The following SGCD variants were observed in gnomAD, a reference collection of about 807,000 sequenced individuals.
The protein encoded by SGCD is sarcoglycan delta, also known as delta-sarcoglycan.
A neutral mutation model predicts 36.6 loss-of-function variants in SGCD; 18 were observed. The observed-to-expected ratio is 0.49, with a 90% CI of 0.34 to 0.73. The LOEUF (loss-of-function observed/expected upper bound fraction) is 0.73, where lower values mean the gene tolerates loss of function less well. SGCD is among the 30% of genes least tolerant of loss of function. SGCD has a pLI of 0.01. For synonymous variants in SGCD, 133 were observed against 130.6 expected, an observed-to-expected ratio of 1.02 and a Z score of -0.12; for missense variants, 387 against 346.7, an observed-to-expected ratio of 1.12 and a Z score of -0.92.
At chr5:156,747,639 G>A (rs1756996829) in intron 7 of SGCD, among the ~76,000 whole-genome samples, 1 of 152,168 alleles carries the variant, frequency 6.6e-6, no homozygotes, top group African/African-American at 2.4e-5. Flanking sequence ...AATTGAAAGA[G>A]TGAGAACAAG....
At chr5:155,970,206 A>G (rs1757981737) in intron 1 of SGCD, among the ~76,000 whole-genome samples, 1 of 152,090 alleles carries the variant, frequency 6.6e-6, no homozygotes, top group East Asian at 1.9e-4. Context: ...CTTCTCTTCC[A>G]GCCCCCATCC....
At chr5:156,310,551 A>C (rs575872558) in intron 3 of SGCD, among the ~76,000 whole-genome samples, 6 of 152,178 alleles carry the variant, frequency 3.9e-5, no homozygotes, top group African/African-American at 1.2e-4. Flanking sequence ...TTTACTGTTC[A>C]ACCCTCCCCT....
intron 3 of SGCD, among the ~76,000 whole-genome samples, chr5:156,421,988 T>C (rs934928652): frequency 2.0e-5 from 3 of 152,030 alleles, no homozygotes; most frequent in Non-Finnish European, 4.4e-5. Context: ...AACATACACC[T>C]TCCACCCACC....
chr5:156,610,760 C>A (rs971848704), intron 6 of SGCD, among the ~76,000 whole-genome samples: 6 of 152,230 alleles, frequency 3.9e-5, no homozygotes, highest in African/African-American at 1.4e-4. Flanking sequence ...CCTCCCCCAG[C>A]CTCGCTGCCA....
At chr5:155,951,556 C>T (rs1757549056) in intron 1 of SGCD, among the ~76,000 whole-genome samples, 2 of 152,090 alleles carry the variant, frequency 1.3e-5, no homozygotes, top group African/African-American at 2.4e-5. Flanking sequence ...ATTTTTTGTG[C>T]ATGCCTAATT....
chr5:156,495,883 C>A (rs1483153905), intron 3 of SGCD, among the ~76,000 whole-genome samples: 3 of 152,142 alleles, frequency 2.0e-5, no homozygotes. Flanking sequence ...AATTCCCCAC[C>A]AATGTCTCTT....
Position 155,989,780 on chromosome 5 carries a change from C to G in SGCD, c.-282+119356C>G, listed in dbSNP as rs116638677. 1.7e-3 allele frequency among the ~76,000 whole-genome samples: 252 copies of G among 152,292 alleles called. 1 individual carries two copies. Among genetic ancestry groups the G allele is most frequent in the Non-Finnish European group, 2.8e-3 (193 of 68,006 alleles). On this transcript the variant is annotated intron_variant, in intron 1 of 9. Transcript: ENST00000517913. The stretch of plus-strand genomic sequence containing the variant: ...TGTCTTCAGCAGGTGATAAGCAAGA[C>G]TCATTCATCTGATCAGCCACAACTG...
At chr5:156,430,961 C>T (rs1752979470) in intron 3 of SGCD, among the ~76,000 whole-genome samples, 2 of 152,060 alleles carry the variant, frequency 1.3e-5, no homozygotes, top group Non-Finnish European at 2.9e-5. Flanking sequence ...GGCTTCAGGC[C>T]AATGGGAGAG....
At chr5:156,185,843 A>ATGTGTGTGTGTGTG (rs1465310637) in intron 3 of SGCD, among the ~76,000 whole-genome samples, 6 of 33,632 alleles carry the variant, frequency 1.8e-4, no homozygotes, top group African/African-American at 4.7e-4. Context: ...GTATATATAT[A>ATGTGTGTGTGTGTG]TATATATAGA....
rs576860950 is a variant in SGCD at position 156,606,562 on chromosome 5, G to GT, written c.502+11518dup. Among the ~76,000 whole-genome samples, 114 of 152,162 alleles carry GT rather than the reference G, an allele frequency of 7.5e-4. 1 individual carries two copies. Among genetic ancestry groups the GT allele is most frequent in the African/African-American group, 2.5e-3 (105 of 41,536 alleles). ...TTGGTTCCATATGAACTTTAAAGTA[G>GT]TTTTTTTCCAATTCTGTGAAGAAAG... On this transcript the variant is annotated intron_variant, in intron 6 of 8. Transcript: ENST00000337851.
chr5:155,861,529 C>T, the SGCD span, among the ~76,000 whole-genome samples: 1 of 151,944 alleles, frequency 6.6e-6, no homozygotes, highest in African/African-American at 2.4e-5. Flanking sequence ...ACCATCTTGG[C>T]TAACATGGTG....
In SGCD at chr5:156,566,880, G is replaced by A. The variant is rs192633776; in HGVS notation, c.295-22351G>A. Reference sequence around the variant, plus strand: ...AAATTGAAAGGAAAATGACCTTCTCGTACATAATGCCAAGCATTATGATAC... The same window carrying A: ...AAATTGAAAGGAAAATGACCTTCTCATACATAATGCCAAGCATTATGATAC... On this transcript the variant is annotated intron_variant, in intron 4 of 8. Transcript: ENST00000337851. Among the ~76,000 whole-genome samples the A allele has an allele frequency of 2.0e-4, 30 of 152,122 alleles. No homozygotes were observed. The East Asian group carries it at 2.7e-3, about 14-fold the overall frequency.
At chr5:156,721,902 G>A (rs1561876160) in intron 7 of SGCD, among the ~76,000 whole-genome samples, 1 of 152,146 alleles carries the variant, frequency 6.6e-6, no homozygotes, top group Non-Finnish European at 1.5e-5. Context: ...AGAAAAGGAA[G>A]ACTGTCACAT....
intron 3 of SGCD, among the ~76,000 whole-genome samples, chr5:156,394,274 A>G (rs1018744215): frequency 2.0e-5 from 3 of 152,216 alleles, no homozygotes; most frequent in African/African-American, 7.2e-5. Flanking sequence ...GTTGTGTAAT[A>G]CCAATGGAGT....
chr5:156,283,353 T>G (rs1766506818), intron 3 of SGCD, among the ~76,000 whole-genome samples: 1 of 152,212 alleles, frequency 6.6e-6, no homozygotes, highest in Non-Finnish European at 1.5e-5. Context: ...TATGCACAGA[T>G]CAGTCATACC....
chr5:156,382,266 A>G (rs1313416323), intron 3 of SGCD, among the ~76,000 whole-genome samples: 1 of 152,136 alleles, frequency 6.6e-6, no homozygotes. Flanking sequence ...TCTCTGCCCT[A>G]AACACTCCCC....
chr5:156,677,786 C>T (rs955822622), intron 7 of SGCD, among the ~76,000 whole-genome samples: 1 of 152,140 alleles, frequency 6.6e-6, no homozygotes, highest in African/African-American at 2.4e-5. Flanking sequence ...AAGGAGTCTG[C>T]TCTCAGCTAG....
chr5:156,537,490 CACACACACACACACACAG>C (rs1472660732), intron 4 of SGCD, among the ~76,000 whole-genome samples: 2 of 150,974 alleles, frequency 1.3e-5, no homozygotes, highest in African/African-American at 4.9e-5. Context: ...CACACACACA[CACACACACACACACACAG>C]GTATATATAT....
chr5:156,517,707 A>G (rs916236253), intron 4 of SGCD, among the ~76,000 whole-genome samples: 2 of 152,198 alleles, frequency 1.3e-5, no homozygotes, highest in Non-Finnish European at 2.9e-5. Flanking sequence ...ACTTAAAAAA[A>G]TTTCCAACCC....
Sources: allele counts gnomAD v4.1 joint callset (sites outside exome capture counted in the v4.1 genomes callset), GRCh38; gene constraint gnomAD v4.1.1; transcripts MANE v1.5; gene names NCBI Gene and HGNC (gene_info 2026-07-23, HGNC 2026-07-21).